Variants in EPB42 observed in about 807,000 individuals in gnomAD.
EPB42 encodes the protein erythrocyte membrane protein band 4.2, also known as protein 4.2.
In EPB42, 49 loss-of-function variants were observed where a neutral mutation model predicts 76.9. The ratio of observed to expected loss-of-function variants is 0.64; its 90% confidence interval spans 0.51 to 0.81. EPB42 has a LOEUF of 0.81. EPB42 is among the 30% of genes least tolerant of loss of function. The pLI, the probability that EPB42 is intolerant of heterozygous loss-of-function variation, is 0.00. For missense variants in EPB42, 731 were observed against 867.6 expected (o/e 0.84, Z 1.98); for synonymous variants, 310 against 338.4 (o/e 0.92, Z 0.92).
Position 43,209,442 on chromosome 15 carries a change from G to T in EPB42, c.664C>A (p.Leu222Ile). Residue 222 changes from leucine (L) to isoleucine (I), a missense_variant, in exon 6 of 13, where the codon CTC becomes ATC. Transcript: ENST00000441366. ...GTGGGCAGGACCCTCTGCTCCTTGA[G>T]AAAATGCAGCTGTTTGGGGAAATGT... ...ARVLGALLHF[L>I]KEQRVLPTPQ... The T allele has an allele frequency of 1.2e-6, 2 of 1,610,668 alleles. No homozygotes were observed. The highest frequency in any genetic ancestry group is 1.7e-6 in the Non-Finnish European group (2 of 1,177,880).
intron 10 of EPB42, among the ~76,000 whole-genome samples, chr15:43,204,420 T>A (rs2042170511): frequency 6.6e-6 from 1 of 152,158 alleles, no homozygotes; most frequent in South Asian, 2.1e-4. Flanking sequence ...CCCTGACTCT[T>A]TGTTGGCCCC....
At chr15:43,203,617 T>C (rs1333043627) in intron 10 of EPB42, among the ~76,000 whole-genome samples, 1 of 152,216 alleles carries the variant, frequency 6.6e-6, no homozygotes, top group African/African-American at 2.4e-5. Context: ...TGTTTTGTTT[T>C]AGAGACAGGG....
At chr15:43,208,884 A>C in intron 6 of EPB42, 109 bp from the exon 7 acceptor site, 2 of 1,327,528 alleles carry the variant, frequency 1.5e-6, no homozygotes, top group Non-Finnish European at 1.0e-6. Flanking sequence ...ACTTGGAAAG[A>C]AGAGGAGTGC....
intron 12 of EPB42, among the ~76,000 whole-genome samples, chr15:43,198,830 G>A (rs906224918): frequency 2.0e-5 from 3 of 152,124 alleles, no homozygotes; most frequent in African/African-American, 4.8e-5. Context: ...TAAGGACTTG[G>A]TGCCCTGTGT....
At chr15:43,224,190 C>T (rs1443755094), upstream of EPB42, among the ~76,000 whole-genome samples, 2 of 152,132 alleles carry the variant, frequency 1.3e-5, no homozygotes, top group South Asian at 2.1e-4. Flanking sequence ...TGTGTCCACG[C>T]GGAAAGAGAA....
intron 8 of EPB42, among the ~76,000 whole-genome samples, chr15:43,207,820 G>A (rs1241338759): frequency 6.6e-6 from 1 of 152,202 alleles, no homozygotes; most frequent in Non-Finnish European, 1.5e-5. Flanking sequence ...CCTGGGTGAG[G>A]AAGAGCTATC....
intron 11 of EPB42, among the ~76,000 whole-genome samples, chr15:43,202,219 C>T (rs1425235047): frequency 6.6e-6 from 1 of 152,178 alleles, no homozygotes; most frequent in African/African-American, 2.4e-5. Context: ...GAGGGTTTCC[C>T]ACTGTCTTGG....
rs768899304 is a variant in EPB42, at chr15:43,210,437, G to A, written c.552C>T (p.Phe184=). Residue 184 remains phenylalanine, a splice_region_variant and synonymous_variant, in exon 5 of 13, where the codon TTC becomes TTT. Coordinates refer to ENST00000441366, the MANE Select transcript of EPB42 (RefSeq NM_001114134.2). ...IQAESWDFGQ[F]EGDVIDLSLR... is the part of the protein sequence containing the mutation. ...GGCTGAGGTCAATGACATCCCCCTC[G>A]AACTGTTAAGGATCACACAGGGCCA... 14 of 1,613,150 alleles carry A rather than the reference G, an allele frequency of 8.7e-6. No homozygotes were observed. Among genetic ancestry groups the A allele is most frequent in the Non-Finnish European group, 1.2e-5 (14 of 1,179,812 alleles).
chr15:43,207,252 C>G lies in EPB42; in HGVS notation c.1265G>C (p.Gly422Ala), dbSNP rs538781293. Residue 422 changes from glycine to alanine, a missense_variant, in exon 9 of 13, where the codon GGT becomes GCT. Transcript: ENST00000441366. ...KYVGNNISTK[G>A]VGSDRCEDIT... is the part of the protein sequence containing the mutation. ...GTCCTCGCAGCGGTCACTGCCCACA[C>G]CCTTGGTGCTGATGTTGTTGCCAAC... The G allele has an allele frequency of 6.2e-7, 1 of 1,614,126 alleles. No individual in the cohort carries two copies. The highest frequency in any genetic ancestry group is 1.7e-5 in the Admixed American group (1 of 60,008).
chr15:43,220,315 T>A (rs1172911493), intron 1 of EPB42, among the ~76,000 whole-genome samples: 1 of 152,102 alleles, frequency 6.6e-6, no homozygotes, highest in African/African-American at 2.4e-5. Flanking sequence ...TCTGCCCCTT[T>A]TAGGTGGATT....
chr15:43,205,283 C>T (rs1017162488), intron 10 of EPB42, among the ~76,000 whole-genome samples: 7 of 152,134 alleles, frequency 4.6e-5, no homozygotes, highest in African/African-American at 7.2e-5. Context: ...GTGAGGTGAC[C>T]GGTTAGAAGG....
chr15:43,202,819 T>G (rs2042145857), intron 11 of EPB42, among the ~76,000 whole-genome samples: 1 of 152,208 alleles, frequency 6.6e-6, no homozygotes, highest in South Asian at 2.1e-4. Context: ...GAAAATCCTC[T>G]GGCATGTGTA....
At chr15:43,200,983 T>A (rs919664117) in intron 12 of EPB42, among the ~76,000 whole-genome samples, 2 of 152,162 alleles carry the variant, frequency 1.3e-5, no homozygotes, top group Non-Finnish European at 2.9e-5. Flanking sequence ...CCCGGCTAAT[T>A]TTTTGTAATT....
At chr15:43,206,000 A>G (rs981657168) in intron 10 of EPB42, 1 of 262,162 alleles carries the variant, frequency 3.8e-6, no homozygotes, top group Admixed American at 4.8e-5. Flanking sequence ...GATTCCATGC[A>G]GTACAATTTA....
Position 43,220,655 on chromosome 15 carries a change from C to A in EPB42, c.10+161G>T, listed in dbSNP as rs528496796. Reference sequence around the variant, plus strand: ...ACCAGCACCCACCTACCACACCCCCCCCCCACAGCCACCTCATTATCACCA... The same window carrying A: ...ACCAGCACCCACCTACCACACCCCCACCCCACAGCCACCTCATTATCACCA... On this transcript the variant is annotated intron_variant, in intron 1 of 12. Coordinates refer to ENST00000441366, the MANE Select transcript of EPB42 (RefSeq NM_001114134.2). 7.5e-5 allele frequency: 75 copies of A among 999,078 alleles called. 8 individuals carry two copies. The East Asian group carries it at 9.5e-4, about 13-fold the overall frequency. 61.9% of individuals were successfully genotyped at this position (999,078 alleles called of 1,614,324 possible).
chr15:43,207,108 T>A (rs1325584576), intron 9 of EPB42, 91 bp downstream of exon 9: 15 of 1,574,140 alleles, frequency 9.5e-6, no homozygotes. Flanking sequence ...AAAGGACAAG[T>A]CTCTTTCTGG....
Position 43,216,336 on chromosome 15 carries a change from A to T in EPB42, c.128T>A (p.Leu43Gln). Residue 43 changes from leucine to glutamine, a missense_variant, in exon 2 of 13, where the codon CTG (leucine) becomes CAG (glutamine). Transcript: ENST00000441366. ...TGCACGGACTGGAGCGCGGAAGTAC[A>T]GGATGATGGTGAAGGGCTGCCCCCT... The part of the protein sequence containing the change: ...VRRGQPFTII[L>Q]YFRAPVRAFL... 3 of 1,614,224 alleles carry T rather than the reference A, an allele frequency of 1.9e-6. No individual in the cohort carries two copies. The highest frequency in any genetic ancestry group is 2.5e-6 in the Non-Finnish European group (3 of 1,180,040).
At chr15:43,208,089 G>C (rs2042232467) in intron 8 of EPB42, 141 bp downstream of exon 8, 1 of 731,728 alleles carries the variant, frequency 1.4e-6, no homozygotes, top group Non-Finnish European at 2.4e-6. Flanking sequence ...TCAGCTTTCT[G>C]CTGGCTGCTG....
chr15:43,224,044 G>A (rs976179931), upstream of EPB42, among the ~76,000 whole-genome samples: 2 of 152,102 alleles, frequency 1.3e-5, no homozygotes, highest in African/African-American at 2.4e-5. Flanking sequence ...CAGCCTCTAC[G>A]GAGAGTGTTA....
Sources: allele counts gnomAD v4.1 joint callset (sites outside exome capture counted in the v4.1 genomes callset), GRCh38; gene constraint gnomAD v4.1.1; transcripts MANE v1.5; gene names NCBI Gene and HGNC (gene_info 2026-07-23, HGNC 2026-07-21).